Variants in SPTLC2 observed in about 807,000 individuals in gnomAD.
SPTLC2 encodes serine palmitoyltransferase long chain base subunit 2, also known as serine palmitoyltransferase 2.
A neutral mutation model predicts 62.0 loss-of-function variants in SPTLC2; 21 were observed. The observed-to-expected ratio is 0.34, with a 90% CI of 0.24 to 0.49. The LOEUF is 0.49. SPTLC2 is among the 20% of genes least tolerant of loss of function. The pLI, the probability that SPTLC2 is intolerant of heterozygous loss-of-function variation, is 0.99. For synonymous variants in SPTLC2, 261 were observed against 261.8 expected (o/e 1.00, Z 0.03); for missense variants, 511 against 713.0 (o/e 0.72, Z 3.23).
chr14:77,568,625 G>C (rs1007403991), intron 5 of SPTLC2, among the ~76,000 whole-genome samples: 1 of 152,012 alleles, frequency 6.6e-6, no homozygotes, highest in Non-Finnish European at 1.5e-5. Context: ...TGGCTAACAC[G>C]GTGAAACCCC....
At chr14:77,542,282 AG>A (rs2079505530) in intron 9 of SPTLC2, among the ~76,000 whole-genome samples, 1 of 152,194 alleles carries the variant, frequency 6.6e-6, no homozygotes, top group Admixed American at 6.5e-5. Context: ...CTTATCTAAA[AG>A]CTCAAAATGA....
At chr14:77,595,870 G>T (rs1485460812) in intron 2 of SPTLC2, among the ~76,000 whole-genome samples, 1 of 152,090 alleles carries the variant, frequency 6.6e-6, no homozygotes, top group African/African-American at 2.4e-5. Flanking sequence ...ATTTGCCTGG[G>T]CTAAAAGACA....
chr14:77,574,896 G>C (rs1045860908), intron 4 of SPTLC2, among the ~76,000 whole-genome samples: 38 of 152,144 alleles, frequency 2.5e-4, no homozygotes, highest in Non-Finnish European at 4.7e-4. Flanking sequence ...TCTTTTAGGA[G>C]GAATGAAAAT....
chr14:77,560,832 G>C (rs1420235948), intron 6 of SPTLC2, among the ~76,000 whole-genome samples: 3 of 151,390 alleles, frequency 2.0e-5, no homozygotes, highest in Non-Finnish European at 4.4e-5. Context: ...CACGACTAAG[G>C]GAACAACAGA....
chr14:77,569,264 G>C (rs2079664112), intron 5 of SPTLC2, among the ~76,000 whole-genome samples: 2 of 151,718 alleles, frequency 1.3e-5, no homozygotes, highest in Admixed American at 1.3e-4. Context: ...TTTAAAATAG[G>C]TTGCTATTTT....
chr14:77,549,458 C>T (rs888750831), intron 9 of SPTLC2, among the ~76,000 whole-genome samples: 1 of 152,184 alleles, frequency 6.6e-6, no homozygotes, highest in South Asian at 2.1e-4. Flanking sequence ...TGAAAAGATA[C>T]ATGCATGAAG....
chr14:77,531,766 C>T (rs899153084), intron 9 of SPTLC2, among the ~76,000 whole-genome samples: 5 of 152,062 alleles, frequency 3.3e-5, no homozygotes, highest in Admixed American at 2.6e-4. Flanking sequence ...CTGGCCTTGG[C>T]CTCCCAAAGT....
intron 4 of SPTLC2, among the ~76,000 whole-genome samples, chr14:77,574,076 C>T (rs2079699989): frequency 6.6e-6 from 1 of 152,180 alleles, no homozygotes; most frequent in Non-Finnish European, 1.5e-5. Flanking sequence ...CTGCTGACAC[C>T]TAGACCCCAA....
intron 6 of SPTLC2, among the ~76,000 whole-genome samples, chr14:77,559,370 GA>G (rs757541025): frequency 4.6e-5 from 7 of 151,100 alleles, no homozygotes; most frequent in South Asian, 2.1e-4. Flanking sequence ...TATCTACTTA[GA>G]AAAAAAAATT....
At chr14:77,600,035 G>A (rs572271594) in intron 1 of SPTLC2, among the ~76,000 whole-genome samples, 12 of 152,148 alleles carry the variant, frequency 7.9e-5, no homozygotes, top group Admixed American at 2.6e-4. Context: ...CCCCCCCACC[G>A]CAGTCTCAAT....
intron 9 of SPTLC2, among the ~76,000 whole-genome samples, chr14:77,528,427 C>T (rs2079419750): frequency 6.6e-6 from 1 of 152,094 alleles, no homozygotes. Flanking sequence ...GACGGGGTTT[C>T]TCCATGTTGA....
chr14:77,588,824 G>A (rs1208522527), intron 2 of SPTLC2, among the ~76,000 whole-genome samples: 1 of 151,632 alleles, frequency 6.6e-6, no homozygotes, highest in Non-Finnish European at 1.5e-5. Flanking sequence ...GCAAAACCCA[G>A]TCTCTACAAC....
chr14:77,529,380 T>A (rs1032772261), intron 9 of SPTLC2, among the ~76,000 whole-genome samples: 158 of 107,748 alleles, frequency 1.5e-3, no homozygotes, highest in African/African-American at 6.0e-3. Context: ...TTTGCCTGCG[T>A]TGTGTGTCTC....
rs1411291522 is a variant in SPTLC2 at position 77,506,236 on chromosome 14, A to C, written c.*6048T>G. 1 of 152,210 alleles carries C rather than the reference A, an allele frequency of 6.6e-6. No homozygotes were observed. The highest frequency in any genetic ancestry group is 1.5e-5 in the Non-Finnish European group (1 of 68,046). 9.4% of individuals were successfully genotyped at this position (152,210 alleles called of 1,614,324 possible). A position where few individuals can be genotyped will look rare whatever the true frequency, so the allele number is the denominator to read the frequency against. ...AGAGTGACATTTTAACACATTACTA[A>C]AATGTTTAAGCTTTTATTTACACAT... On this transcript the variant is annotated 3_prime_UTR_variant, in exon 12 of 12. Transcript: ENST00000216484.
chr14:77,545,264 G>A lies in SPTLC2; in HGVS notation c.1303+6832C>T, dbSNP rs957773471. ...TCCGGCAAGCTCTTAGTAGGGTATC[G>A]GGCACTTTTTTTTTTTTTGAGATGG... On this transcript the variant is annotated intron_variant, in intron 9 of 11. Coordinates refer to ENST00000216484, the MANE Select transcript of SPTLC2 (RefSeq NM_004863.4). 6.6e-5 allele frequency among the ~76,000 whole-genome samples: 9 copies of A among 137,082 alleles called. 1 individual carries two copies. The South Asian group carries it at 1.1e-3, about 17-fold the overall frequency. The allele number at this position is 137,082 out of a possible 152,430, so 89.9% of individuals were successfully genotyped here.
At chr14:77,568,895 C>A (rs2079661641) in intron 5 of SPTLC2, among the ~76,000 whole-genome samples, 1 of 151,820 alleles carries the variant, frequency 6.6e-6, no homozygotes, top group Non-Finnish European at 1.5e-5. Flanking sequence ...TCAATTTCTG[C>A]TTCACGTACT....
In SPTLC2 at chr14:77,511,438, T is replaced by A. The variant is rs917829621; in HGVS notation, c.*846A>T. On this transcript the variant is annotated 3_prime_UTR_variant, in exon 12 of 12. Transcript: ENST00000216484. ...GCCCCTCACCCACCAGGAGTGCACA[T>A]CACTCTACGGAGCAGCTTTGTACCC... The A allele has an allele frequency of 6.6e-6, 1 of 152,314 alleles. No homozygotes were observed. The highest frequency in any genetic ancestry group is 2.4e-5 in the African/African-American group (1 of 41,448). The allele number at this position is 152,314 out of a possible 1,614,324, so 9.4% of individuals were successfully genotyped here.
chr14:77,549,766 T>C (rs757993820), intron 9 of SPTLC2, among the ~76,000 whole-genome samples: 25 of 152,208 alleles, frequency 1.6e-4, no homozygotes, highest in Non-Finnish European at 8.8e-5. Context: ...ATCCAAAGCC[T>C]ATATATAATT....
intron 9 of SPTLC2, among the ~76,000 whole-genome samples, chr14:77,539,506 T>TTG (rs374182497): frequency 1.1e-3 from 85 of 80,162 alleles, no homozygotes; most frequent in East Asian, 6.7e-3. Context: ...TTTTTTTTTT[T>TTG]GGAGATGGGG....
Sources: allele counts gnomAD v4.1 joint callset (sites outside exome capture counted in the v4.1 genomes callset), GRCh38; gene constraint gnomAD v4.1.1; transcripts MANE v1.5; gene names NCBI Gene and HGNC (gene_info 2026-07-23, HGNC 2026-07-21).